Variants in TMIGD3 observed in about 807,000 individuals in gnomAD.
The protein encoded by TMIGD3 is transmembrane and immunoglobulin domain containing 3.
TMIGD3 carries 21 observed loss-of-function variants against 28.1 expected under a neutral mutation model. The ratio of observed to expected loss-of-function variants is 0.75; its 90% CI spans 0.53 to 1.08. TMIGD3 has a LOEUF of 1.08. Ranked by LOEUF, TMIGD3 falls within the 50% of genes least tolerant of loss-of-function variation. The pLI is 0.00. For synonymous variants in TMIGD3, 151 were observed against 162.1 expected (o/e 0.93, Z 0.52); for missense variants, 416 against 435.6 (o/e 0.96, Z 0.40).
chr1:111,488,007 G>A (rs1373342519), intron 3 of TMIGD3, among the ~76,000 whole-genome samples: 1 of 152,036 alleles, frequency 6.6e-6, no homozygotes, highest in Non-Finnish European at 1.5e-5. Context: ...CTTTCTCCAT[G>A]TTGCCCAGGC....
At chr1:111,511,592 T>C (rs1243919516) in intron 1 of TMIGD3, among the ~76,000 whole-genome samples, 1 of 152,134 alleles carries the variant, frequency 6.6e-6, no homozygotes, top group Admixed American at 6.5e-5. Context: ...AATATTTACA[T>C]TACAGTTGCT....
Position 111,489,417 on chromosome 1 carries a change from T to C in TMIGD3, c.458-393A>G, listed in dbSNP as rs118090772. 73 of 326,982 alleles carry C rather than the reference T, an allele frequency of 2.2e-4. No individual in the cohort carries two copies. In the East Asian group the frequency reaches 8.1e-3, roughly 36 times the overall value. The allele number at this position is 326,982 out of a possible 1,614,324, so 20.3% of individuals were successfully genotyped here. ...AGGCAATCATCTGCAAACCGAGAGA[T>C]GGCCTCAGAATGAAACCAAACTTGC... On this transcript the variant is annotated intron_variant, in intron 2 of 5. Transcript: ENST00000369716.
At position 111,553,649 on chromosome 1, in the gene TMIGD3, A is replaced by G. The variant is rs1327967888; in HGVS notation, c.107+10197T>C. Among the ~76,000 whole-genome samples the G allele has an allele frequency of 3.9e-5, 6 of 152,174 alleles. No individual in the cohort carries two copies. The East Asian group carries it at 5.8e-4, about 15-fold the overall frequency. On this transcript the variant is annotated intron_variant, in intron 1 of 5. Coordinates refer to the TMIGD3 transcript ENST00000369717. The stretch of plus-strand genomic sequence containing the variant: ...TTCCTACCTACTCAGCTGAATATCT[A>G]TTTCTTCTTGAAGAAGACTTTCTGC...
At chr1:111,513,551 G>GCT (rs1457503113) in intron 1 of TMIGD3, among the ~76,000 whole-genome samples, 1 of 152,204 alleles carries the variant, frequency 6.6e-6, no homozygotes, top group Non-Finnish European at 1.5e-5. Context: ...GGGGAGCCAG[G>GCT]CTCTCCATTC....
chr1:111,529,911 G>A (rs1465395127), intron 1 of TMIGD3, among the ~76,000 whole-genome samples: 7 of 148,078 alleles, frequency 4.7e-5, no homozygotes, highest in African/African-American at 7.7e-5. Context: ...GCGGCTGGCC[G>A]GGCAGAGGGG....
At chr1:111,512,676 G>A (rs1432435086) in intron 1 of TMIGD3, among the ~76,000 whole-genome samples, 1 of 152,196 alleles carries the variant, frequency 6.6e-6, no homozygotes, top group African/African-American at 2.4e-5. Context: ...AGCCACTCCA[G>A]TGCCCAACCA....
At chr1:111,546,435 C>T (rs1421801969) in intron 1 of TMIGD3, among the ~76,000 whole-genome samples, 1 of 152,138 alleles carries the variant, frequency 6.6e-6, no homozygotes, top group Non-Finnish European at 1.5e-5. Flanking sequence ...CTTCCTCTCC[C>T]AGCCTTTGGG....
In TMIGD3 at chr1:111,550,143, C is replaced by G. The variant is rs145146213; in HGVS notation, c.107+13703G>C. ...TTGCTCATAGTATTGCCTTATAATTCTTTTTATTTCTTTAAGATTGATAGT... is the reference window on the plus strand; with the variant it reads ...TTGCTCATAGTATTGCCTTATAATTGTTTTTATTTCTTTAAGATTGATAGT... On this transcript the variant is annotated intron_variant, in intron 1 of 5. Coordinates refer to the TMIGD3 transcript ENST00000369717. 1.7e-3 allele frequency among the ~76,000 whole-genome samples: 264 copies of G among 152,080 alleles called. 2 individuals carry two copies. The highest frequency in any genetic ancestry group is 6.2e-3 in the African/African-American group (259 of 41,468).
chr1:111,541,665 T>TGAGAGAGAGAGAGAAA (rs59720888), intron 1 of TMIGD3, among the ~76,000 whole-genome samples: 3 of 141,754 alleles, frequency 2.1e-5, no homozygotes, highest in South Asian at 2.3e-4. Context: ...ACAAGGAAAA[T>TGAGAGAGAGAGAGAAA]GAGAGAGAGA....
intron 2 of TMIGD3, 23 bp from the exon 3 acceptor site, chr1:111,489,047 G>T: frequency 2.0e-6 from 3 of 1,498,052 alleles, no homozygotes; most frequent in Middle Eastern, 1.8e-4. Context: ...ACACACACAC[G>T]CACACGTGCA....
intron 1 of TMIGD3, among the ~76,000 whole-genome samples, chr1:111,497,880 T>C (rs1440877045): frequency 1.3e-5 from 2 of 152,178 alleles, no homozygotes; most frequent in Admixed American, 1.3e-4. Flanking sequence ...CGTTAGAAGC[T>C]GTTTGTAAAT....
intron 1 of TMIGD3, among the ~76,000 whole-genome samples, chr1:111,539,941 G>A (rs765662106): frequency 4.9e-4 from 74 of 152,256 alleles, no homozygotes; most frequent in African/African-American, 1.6e-3. Context: ...TGTTTGGTGC[G>A]TGACTAATGA....
chr1:111,514,107 G>C (rs556898831), intron 1 of TMIGD3, among the ~76,000 whole-genome samples: 1 of 152,254 alleles, frequency 6.6e-6, no homozygotes, highest in South Asian at 2.1e-4. Flanking sequence ...ATGAAGGGAG[G>C]ATGCACATAC....
chr1:111,521,239 T>C (rs967885475), intron 1 of TMIGD3, among the ~76,000 whole-genome samples: 2 of 152,210 alleles, frequency 1.3e-5, no homozygotes, highest in Non-Finnish European at 2.9e-5. Context: ...CAAATAAAGT[T>C]GTCATAAATA....
intron 1 of TMIGD3, among the ~76,000 whole-genome samples, chr1:111,524,777 A>G (rs1656207466): frequency 6.6e-6 from 1 of 151,464 alleles, no homozygotes; most frequent in South Asian, 2.1e-4. Context: ...ATGCCACCAT[A>G]CTCTACTACC....
upstream of TMIGD3, among the ~76,000 whole-genome samples, chr1:111,507,007 ATATG>A (rs1487195313): frequency 1.3e-5 from 1 of 79,770 alleles, no homozygotes; most frequent in African/African-American, 5.0e-5. Flanking sequence ...ATACACACAC[ATATG>A]TGTGTGTGTG....
chr1:111,512,064 C>A (rs908367415), intron 1 of TMIGD3, among the ~76,000 whole-genome samples: 1 of 152,224 alleles, frequency 6.6e-6, no homozygotes, highest in African/African-American at 2.4e-5. Flanking sequence ...GCTCGTTTGT[C>A]ACTCTGTCCC....
At position 111,503,530 on chromosome 1, in the gene TMIGD3, C is replaced by G; in HGVS notation, c.-176G>C. 1 of 1,424,150 alleles carries G rather than the reference C, an allele frequency of 7.0e-7. No homozygotes were observed. The highest frequency in any genetic ancestry group is 9.2e-7 in the Non-Finnish European group (1 of 1,092,108). The allele number at this position is 1,424,150 out of a possible 1,614,324, so 88.2% of individuals were successfully genotyped here. A position where few individuals can be genotyped will look rare whatever the true frequency, so the allele number is the denominator to read the frequency against. ...CTGGTGGGGTGATCTCTTGGAAACC[C>G]TTCTCCTTAGAAAGGGCTCATCACA... On this transcript the variant is annotated 5_prime_UTR_variant, in exon 1 of 6. Coordinates refer to ENST00000369716, the MANE Select transcript of TMIGD3 (RefSeq NM_020683.7).
At chr1:111,502,889 C>T (rs1322722018) in intron 1 of TMIGD3, 116 bp downstream of exon 1, 3 of 1,322,024 alleles carry the variant, frequency 2.3e-6, no homozygotes, top group Non-Finnish European at 2.1e-6. Flanking sequence ...TTATTGCCCT[C>T]TTTCAACATC....
Sources: allele counts gnomAD v4.1 joint callset (sites outside exome capture counted in the v4.1 genomes callset), GRCh38; gene constraint gnomAD v4.1.1; transcripts MANE v1.5; gene names NCBI Gene and HGNC (gene_info 2026-07-23, HGNC 2026-07-21).